ST7L: variants seen among roughly 807,000 people sequenced by gnomAD.
The protein encoded by ST7L is suppressor of tumorigenicity 7 protein-like.
In ST7L, 57 loss-of-function variants were observed where a neutral mutation model predicts 72.5. The ratio of observed to expected loss-of-function variants is 0.79; its 90% CI spans 0.64 to 0.98. The LOEUF (loss-of-function observed/expected upper bound fraction) is 0.98, where lower values mean the gene tolerates loss of function less well. Ranked by LOEUF, ST7L falls within the 50% of genes least tolerant of loss-of-function variation. The probability of loss-of-function intolerance (pLI) is 0.00; values close to 1 mark genes in which losing one functional copy is unlikely to be tolerated. For missense variants in ST7L, 576 were observed against 672.2 expected (o/e 0.86, Z 1.58); for synonymous variants, 221 against 240.9 (o/e 0.92, Z 0.77).
chr1:112,543,299 C>T (rs957026970), intron 13 of ST7L, among the ~76,000 whole-genome samples: 1 of 152,224 alleles, frequency 6.6e-6, no homozygotes, highest in Admixed American at 6.5e-5. Context: ...CCTGTAATCC[C>T]AGCACCTTGG....
chr1:112,619,355 T>G, upstream of ST7L: 1 of 589,306 alleles, frequency 1.7e-6, no homozygotes, highest in Admixed American at 3.0e-5. Context: ...GACTGAGATG[T>G]GACCCCGAAG....
chr1:112,619,411 C>G (rs878978565), upstream of ST7L: 4 of 543,414 alleles, frequency 7.4e-6, no homozygotes, highest in South Asian at 7.8e-5. Context: ...CACACCGCCC[C>G]CCCCCCGGGG....
chr1:112,600,884 C>T, intron 3 of ST7L, 36 bp from the exon 4 acceptor site: 1 of 1,576,486 alleles, frequency 6.3e-7, no homozygotes, highest in Non-Finnish European at 8.7e-7. Flanking sequence ...GAAAAAGAGA[C>T]ACTTTAAAAT....
At chr1:112,535,365 C>T (rs536634703) in intron 14 of ST7L, among the ~76,000 whole-genome samples, 24 of 151,498 alleles carry the variant, frequency 1.6e-4, no homozygotes, top group Admixed American at 4.0e-4. Flanking sequence ...GAGGCAGACT[C>T]TGTCTCCAAA....
intron 2 of ST7L, among the ~76,000 whole-genome samples, chr1:112,612,904 G>T (rs1199312814): frequency 6.6e-6 from 1 of 152,024 alleles, no homozygotes; most frequent in African/African-American, 2.4e-5. Flanking sequence ...GATCACTTGA[G>T]GCTGGGAATT....
intron 5 of ST7L, among the ~76,000 whole-genome samples, chr1:112,596,189 C>G (rs768345088): frequency 2.0e-5 from 3 of 152,138 alleles, no homozygotes; most frequent in Non-Finnish European, 2.9e-5. Flanking sequence ...TTTTTTTACT[C>G]CTTTATTGCA....
intron 3 of ST7L, chr1:112,607,662 G>A (rs1300015141): frequency 4.0e-5 from 6 of 151,648 alleles, no homozygotes; most frequent in African/African-American, 1.2e-4. Context: ...ATACAATTTG[G>A]GGTTGATTGG....
At chr1:112,561,626 G>A (rs553488597) in intron 11 of ST7L, among the ~76,000 whole-genome samples, 239 of 151,712 alleles carry the variant, frequency 1.6e-3, no homozygotes, top group Non-Finnish European at 2.9e-3. Context: ...GATTACAGGC[G>A]TGCACCACCA....
rs1455663800 is a variant in ST7L at position 112,598,092 on chromosome 1, C to A, written c.507-6G>T. 9 of 1,596,250 alleles carry A rather than the reference C, an allele frequency of 5.6e-6. No individual in the cohort carries two copies. Among genetic ancestry groups the A allele is most frequent in the Non-Finnish European group, 7.7e-6 (9 of 1,168,178 alleles). On this transcript the variant is annotated splice_polypyrimidine_tract_variant and splice_region_variant and intron_variant, in intron 4 of 14. Coordinates refer to ENST00000358039, the MANE Select transcript of ST7L (RefSeq NM_017744.5). ...TACCAGTCACCCAAGTGTATCTTTACCAAAACACAACAAAATATTTAAATT... is the reference window on the plus strand; with the variant it reads ...TACCAGTCACCCAAGTGTATCTTTAACAAAACACAACAAAATATTTAAATT...
chr1:112,542,157 T>C, intron 13 of ST7L, 67 bp from the exon 14 acceptor site: 5 of 1,392,122 alleles, frequency 3.6e-6, no homozygotes, highest in Non-Finnish European at 4.8e-6. Context: ...CTTAATCTTT[T>C]CAAATGAAAT....
At chr1:112,533,281 A>G (rs1654674968) in intron 14 of ST7L, among the ~76,000 whole-genome samples, 1 of 152,140 alleles carries the variant, frequency 6.6e-6, no homozygotes, top group Non-Finnish European at 1.5e-5. Flanking sequence ...ATGACATTGG[A>G]ATGAATCAGT....
At chr1:112,615,794 C>T (rs1431250738) in intron 2 of ST7L, among the ~76,000 whole-genome samples, 12 of 152,040 alleles carry the variant, frequency 7.9e-5, no homozygotes, top group Admixed American at 7.2e-4. Context: ...GGCTGGAGTG[C>T]AGTGGCAAGA....
At chr1:112,607,936 C>T (rs375828591) in intron 3 of ST7L, among the ~76,000 whole-genome samples, 2 of 152,208 alleles carry the variant, frequency 1.3e-5, no homozygotes, top group East Asian at 3.9e-4. Context: ...GCATATATGT[C>T]TGTGGTAGCT....
intron 1 of ST7L, chr1:112,618,199 AAAG>A: frequency 8.3e-7 from 1 of 1,211,204 alleles, no homozygotes; most frequent in Non-Finnish European, 1.1e-6. Flanking sequence ...GTCTACAGCT[AAAG>A]AATAGTACAG....
At chr1:112,619,157 C>T (rs774865507), upstream of ST7L, 12 of 1,589,692 alleles carry the variant, frequency 7.5e-6, no homozygotes, top group Admixed American at 1.0e-4. Context: ...GGGAGAAGGA[C>T]AGGAAACCGG....
At chr1:112,536,430 A>G (rs561354606) in intron 14 of ST7L, among the ~76,000 whole-genome samples, 1 of 152,280 alleles carries the variant, frequency 6.6e-6, no homozygotes, top group South Asian at 2.1e-4. Flanking sequence ...TCTGAAGATC[A>G]ATCTTTTCCC....
intron 1 of ST7L, among the ~76,000 whole-genome samples, chr1:112,617,792 A>G (rs1670147742): frequency 6.6e-6 from 1 of 152,070 alleles, no homozygotes; most frequent in Non-Finnish European, 1.5e-5. Flanking sequence ...GTAATCAACT[A>G]TTCTCATCTA....
intron 11 of ST7L, among the ~76,000 whole-genome samples, chr1:112,575,113 C>A (rs1364659845): frequency 6.6e-6 from 1 of 152,110 alleles, no homozygotes; most frequent in Non-Finnish European, 1.5e-5. Context: ...GTGGCGCGCA[C>A]CTGTAGTCCC....
intron 11 of ST7L, among the ~76,000 whole-genome samples, chr1:112,568,889 A>ATATATATATATATATATATATATAT (rs1553247624): frequency 8.7e-6 from 1 of 115,578 alleles, no homozygotes; most frequent in Non-Finnish European, 1.7e-5. Flanking sequence ...TATATATATA[A>ATATATATATATATATATATATATAT]AACAAAAATT....
Sources: allele counts gnomAD v4.1 joint callset (sites outside exome capture counted in the v4.1 genomes callset), GRCh38; gene constraint gnomAD v4.1.1; transcripts MANE v1.5; gene names NCBI Gene and HGNC (gene_info 2026-07-23, HGNC 2026-07-21).